The following OLFM2 variants were observed in gnomAD, a reference collection of about 807,000 sequenced individuals.
OLFM2 encodes olfactomedin 2, also known as noelin-2.
In OLFM2, 20 loss-of-function variants were observed where a neutral mutation model predicts 43.9. The ratio of observed to expected loss-of-function variants is 0.46; its 90% CI spans 0.32 to 0.66. The LOEUF (loss-of-function observed/expected upper bound fraction) is 0.66, where lower values mean the gene tolerates loss of function less well. Ranked by LOEUF, OLFM2 falls within the 30% of genes least tolerant of loss-of-function variation. OLFM2 has a pLI of 0.04. For missense variants in OLFM2, 416 were observed against 643.6 expected (o/e 0.65, Z 3.83); for synonymous variants, 268 against 278.6 (o/e 0.96, Z 0.38).
intron 1 of OLFM2, among the ~76,000 whole-genome samples, chr19:9,916,530 A>G (rs1190462149): frequency 6.6e-6 from 1 of 152,156 alleles, no homozygotes; most frequent in African/African-American, 2.4e-5. Context: ...GACCCAGATC[A>G]GGGGAACCCA....
intron 1 of OLFM2, among the ~76,000 whole-genome samples, chr19:9,930,901 G>C (rs1431486943): frequency 2.0e-5 from 3 of 151,912 alleles, no homozygotes; most frequent in African/African-American, 7.3e-5. Flanking sequence ...GTTTGCACCC[G>C]CGGCGAGTAT....
chr19:9,894,412 T>A (rs8105524), intron 1 of OLFM2, among the ~76,000 whole-genome samples: 62 of 62,226 alleles, frequency 1.0e-3, no homozygotes, highest in African/African-American at 2.4e-3. Context: ...ATAATAATAA[T>A]AAATAAATAA....
intron 1 of OLFM2, among the ~76,000 whole-genome samples, chr19:9,910,689 G>A (rs28490945): frequency 0.014 from 2,101 of 152,264 alleles, 31 homozygotes; most frequent in African/African-American, 0.048. Flanking sequence ...ATGCATGCAT[G>A]GAGGAATTGG....
At chr19:9,933,787 C>T (rs930029564) in intron 1 of OLFM2, among the ~76,000 whole-genome samples, 2 of 152,046 alleles carry the variant, frequency 1.3e-5, no homozygotes, top group Non-Finnish European at 2.9e-5. Flanking sequence ...GAACTCCTGA[C>T]CTCAGGCGAT....
intron 1 of OLFM2, among the ~76,000 whole-genome samples, chr19:9,901,541 G>A (rs753486775): frequency 2.6e-5 from 4 of 152,156 alleles, no homozygotes; most frequent in African/African-American, 7.2e-5. Flanking sequence ...CAGGATGGCC[G>A]AGAACTCAGA....
chr19:9,900,090 GT>G (rs1377308587), intron 1 of OLFM2, among the ~76,000 whole-genome samples: 1 of 152,088 alleles, frequency 6.6e-6, no homozygotes, highest in Non-Finnish European at 1.5e-5. Flanking sequence ...CAGCTATTGG[GT>G]TTTGTGAGAT....
chr19:9,923,690 A>AAAAAG (rs776957991), intron 1 of OLFM2, among the ~76,000 whole-genome samples: 2 of 152,086 alleles, frequency 1.3e-5, no homozygotes, highest in East Asian at 3.9e-4. Context: ...AAAAGAAAGA[A>AAAAAG]AAAAGAAAAG....
chr19:9,936,299 C>T lies in OLFM2; in HGVS notation c.63+5G>A, dbSNP rs1412428268. 6.5e-7 allele frequency: 1 copy of T among 1,528,280 alleles called. No individual in the cohort carries two copies. The highest frequency in any genetic ancestry group is 8.7e-7 in the Non-Finnish European group (1 of 1,144,066). 94.7% of individuals were successfully genotyped at this position (1,528,280 alleles called of 1,614,324 possible). ...CGCGCCCGCACCTGCCCGCCGGGCCCCTACCTGTCCGGCCAGGCCTGAGCA... is the reference window on the plus strand; with the variant it reads ...CGCGCCCGCACCTGCCCGCCGGGCCTCTACCTGTCCGGCCAGGCCTGAGCA... On this transcript the variant is annotated splice_donor_5th_base_variant and intron_variant, in intron 1 of 5. Coordinates refer to ENST00000264833, the MANE Select transcript of OLFM2 (RefSeq NM_058164.4).
chr19:9,902,217 G>A lies in OLFM2; in HGVS notation c.63+34087C>T, dbSNP rs376520280. ...CTAATTTTTTGTATTTTTAGTAGAG[G>A]CGGGGTTTCACCGTGTTAACCAGGA... On this transcript the variant is annotated intron_variant, in intron 1 of 5. Coordinates refer to ENST00000264833, the MANE Select transcript of OLFM2 (RefSeq NM_058164.4). Among the ~76,000 whole-genome samples, 1,045 of 150,376 alleles carry A rather than the reference G, an allele frequency of 6.9e-3. 15 individuals are homozygous for A. The highest frequency in any genetic ancestry group is 0.024 in the African/African-American group (977 of 40,896).
chr19:9,876,681 G>A (rs1329901422), intron 1 of OLFM2, among the ~76,000 whole-genome samples: 6 of 152,146 alleles, frequency 3.9e-5, no homozygotes, highest in Admixed American at 2.6e-4. Context: ...TCCTAGGTTC[G>A]AGCCTCAGGT....
intron 1 of OLFM2, among the ~76,000 whole-genome samples, chr19:9,918,550 G>T (rs1229501197): frequency 6.6e-6 from 1 of 152,128 alleles, no homozygotes; most frequent in Non-Finnish European, 1.5e-5. Flanking sequence ...CAAAGCATAT[G>T]TCTATGAAAA....
intron 1 of OLFM2, among the ~76,000 whole-genome samples, chr19:9,865,899 A>G (rs1165254383): frequency 6.6e-6 from 1 of 151,796 alleles, no homozygotes; most frequent in Non-Finnish European, 1.5e-5. Flanking sequence ...TCTAGTCCCC[A>G]AGCAATTTGG....
intron 1 of OLFM2, among the ~76,000 whole-genome samples, chr19:9,925,999 T>C (rs1258001613): frequency 6.6e-6 from 1 of 151,778 alleles, no homozygotes; most frequent in Non-Finnish European, 1.5e-5. Context: ...TAGCCAGCCG[T>C]GGTGGCATGC....
intron 1 of OLFM2, among the ~76,000 whole-genome samples, chr19:9,929,823 T>A (rs992069182): frequency 6.6e-6 from 1 of 151,978 alleles, no homozygotes; most frequent in Non-Finnish European, 1.5e-5. Context: ...GCAGATCACC[T>A]GAGGTCAGGA....
At chr19:9,933,418 A>G (rs1352965601) in intron 1 of OLFM2, among the ~76,000 whole-genome samples, 2 of 151,822 alleles carry the variant, frequency 1.3e-5, no homozygotes, top group Non-Finnish European at 2.9e-5. Flanking sequence ...TTGCATTTTT[A>G]GTAGAGACGG....
At chr19:9,888,447 C>CTG (rs2046607822) in intron 1 of OLFM2, among the ~76,000 whole-genome samples, 2 of 49,102 alleles carry the variant, frequency 4.1e-5, no homozygotes, top group Admixed American at 6.3e-4. Flanking sequence ...TCGCTTGAGC[C>CTG]TGGGGGGCGG....
intron 1 of OLFM2, among the ~76,000 whole-genome samples, chr19:9,921,700 C>T (rs561405994): frequency 4.6e-5 from 7 of 151,960 alleles, no homozygotes; most frequent in South Asian, 2.1e-4. Flanking sequence ...TTAGCCAGGA[C>T]GGTCTTGATC....
At chr19:9,878,161 A>C (rs936047835) in intron 1 of OLFM2, among the ~76,000 whole-genome samples, 1 of 152,028 alleles carries the variant, frequency 6.6e-6, no homozygotes, top group African/African-American at 2.4e-5. Flanking sequence ...TTTATAAATT[A>C]CCCAATCTGT....
At chr19:9,915,239 CTTTTT>C (rs34756498) in intron 1 of OLFM2, among the ~76,000 whole-genome samples, 1 of 139,642 alleles carries the variant, frequency 7.2e-6, no homozygotes. Context: ...TTTTCTCTCT[CTTTTT>C]TTTTTTTTTT....
Sources: gnomAD v4.1 joint callset for allele counts (sites outside exome capture counted in the v4.1 genomes callset) on GRCh38, gnomAD v4.1.1 for gene constraint, MANE v1.5 for transcripts, NCBI Gene and HGNC (gene_info 2026-07-23, HGNC 2026-07-21) for gene names.